OBI1: variants seen among roughly 807,000 people sequenced by gnomAD.
OBI1 encodes the protein ORC ubiquitin ligase 1.
OBI1 carries 59 observed loss-of-function variants against 62.4 expected under a neutral mutation model. The observed-to-expected ratio is 0.95, with a 90% CI of 0.77 to 1.17. OBI1 has a LOEUF of 1.17. Among genes scored for constraint, OBI1 ranks in the 50% most tolerant of loss-of-function variants. The probability of loss-of-function intolerance (pLI) is 0.00; values close to 1 mark genes in which losing one functional copy is unlikely to be tolerated. For missense variants in OBI1, 875 were observed against 830.9 expected (o/e 1.05, Z -0.65); for synonymous variants, 302 against 292.8 (o/e 1.03, Z -0.32).
intron 5 of OBI1, among the ~76,000 whole-genome samples, chr13:78,623,205 T>C (rs1875563275): frequency 6.6e-6 from 1 of 150,636 alleles, no homozygotes. Flanking sequence ...CTATCTATGG[T>C]CAATCCTAGT....
intron 1 of OBI1, among the ~76,000 whole-genome samples, chr13:78,646,815 AAG>A (rs1566285736): frequency 1.3e-5 from 2 of 152,208 alleles, no homozygotes; most frequent in African/African-American, 2.4e-5. Context: ...AGGGAAAAGA[AAG>A]AGAGATCAGA....
chr13:78,629,076 C>T (rs1875767543), intron 5 of OBI1, among the ~76,000 whole-genome samples: 1 of 152,130 alleles, frequency 6.6e-6, no homozygotes. Flanking sequence ...ATTCCTTCCT[C>T]TTCAGAACAC....
At chr13:78,626,903 A>T (rs202206072) in intron 5 of OBI1, among the ~76,000 whole-genome samples, 3 of 152,132 alleles carry the variant, frequency 2.0e-5, no homozygotes, top group African/African-American at 7.2e-5. Context: ...CATCTCTACT[A>T]AAAATACAAA....
At position 78,642,222 on chromosome 13, in the gene OBI1, A is replaced by C. The variant is rs753195106; in HGVS notation, c.209-9T>G. On this transcript the variant is annotated splice_polypyrimidine_tract_variant and intron_variant, in intron 2 of 5. Transcript: ENST00000282003. ...ACTTTCACTTGTTCCTCCTGTAGGG[A>C]AAAAAAAAAAAATCCTAATTTTTCA... The C allele has an allele frequency of 3.1e-5, 13 of 417,186 alleles. No individual in the cohort carries two copies. In the East Asian group the frequency reaches 6.4e-4, roughly 21 times the overall value. The allele number at this position is 417,186 out of a possible 1,614,324, so 25.8% of individuals were successfully genotyped here.
intron 4 of OBI1, 88 bp from the exon 5 acceptor site, chr13:78,635,286 G>A (rs1409172298): frequency 3.9e-6 from 3 of 763,544 alleles, no homozygotes; most frequent in Non-Finnish European, 6.7e-6. Flanking sequence ...GTATTTTTTA[G>A]AGTGATAATA....
At position 78,638,839 on chromosome 13, in the gene OBI1, ACAT is replaced by A; in HGVS notation, c.530_532del (p.Asp177del). On this transcript the variant is annotated inframe_deletion, in exon 4 of 6. Coordinates refer to ENST00000282003, the MANE Select transcript of OBI1 (RefSeq NM_024546.4). ...ACAACTTACCTCCTTTAGCTTATCC[ACAT>A]CATCTTTCACTTTTTCATAGATTTC... 2 of 1,613,008 alleles carry A rather than the reference ACAT, an allele frequency of 1.2e-6. No homozygotes were observed. The highest frequency in any genetic ancestry group is 1.7e-6 in the Non-Finnish European group (2 of 1,179,732).
At chr13:78,633,815 C>G (rs1379585236) in intron 5 of OBI1, among the ~76,000 whole-genome samples, 4 of 152,100 alleles carry the variant, frequency 2.6e-5, no homozygotes, top group African/African-American at 9.7e-5. Flanking sequence ...CGCCTGTAAT[C>G]CCAGCACTTT....
chr13:78,655,493 C>T (rs973838712), intron 1 of OBI1, among the ~76,000 whole-genome samples: 4 of 152,108 alleles, frequency 2.6e-5, no homozygotes, highest in Non-Finnish European at 5.9e-5. Flanking sequence ...GAAAATTCAC[C>T]TTTAAAACTG....
chr13:78,634,969 A>G (rs1220987074), intron 5 of OBI1, 141 bp downstream of exon 5: 1 of 524,672 alleles, frequency 1.9e-6, no homozygotes, highest in Non-Finnish European at 3.4e-6. Flanking sequence ...CACGAAGTAT[A>G]AACTTGACTT....
intron 5 of OBI1, among the ~76,000 whole-genome samples, chr13:78,619,003 G>C (rs1300580329): frequency 6.6e-6 from 1 of 152,122 alleles, no homozygotes; most frequent in African/African-American, 2.4e-5. Flanking sequence ...AAAAACTGTA[G>C]TATGTTTATT....
Position 78,642,106 on chromosome 13 carries a change from T to C in OBI1, c.300+16A>G. ...ATTCACTGCTAACATAATTTTAAAC[T>C]TTGATTACTGTTTACCTCATATTCT... On this transcript the variant is annotated intron_variant, in intron 3 of 5. Coordinates refer to ENST00000282003, the MANE Select transcript of OBI1 (RefSeq NM_024546.4). 8 of 1,488,338 alleles carry C rather than the reference T, an allele frequency of 5.4e-6. No individual in the cohort carries two copies. Among genetic ancestry groups the C allele is most frequent in the Non-Finnish European group, 7.5e-6 (8 of 1,068,192 alleles). 92.2% of individuals were successfully genotyped at this position (1,488,338 alleles called of 1,614,324 possible).
intron 1 of OBI1, among the ~76,000 whole-genome samples, chr13:78,645,303 A>G (rs1224105194): frequency 6.6e-6 from 1 of 152,200 alleles, no homozygotes; most frequent in Non-Finnish European, 1.5e-5. Flanking sequence ...TAAGGCTGGG[A>G]CAATTTTGCT....
chr13:78,642,403 CACCATAAGAAAT>C (rs2137457920), intron 2 of OBI1, among the ~76,000 whole-genome samples, 190 bp from the exon 3 acceptor site: 1 of 152,130 alleles, frequency 6.6e-6, no homozygotes, highest in African/African-American at 2.4e-5. Flanking sequence ...TATCAAATAA[CACCATAAGAAAT>C]ACCTTCAGTA....
chr13:78,649,999 T>G (rs1008743158), intron 1 of OBI1, among the ~76,000 whole-genome samples: 2 of 152,204 alleles, frequency 1.3e-5, no homozygotes, highest in African/African-American at 4.8e-5. Context: ...TTTTGAAAAG[T>G]GAGAAAGCTA....
chr13:78,654,855 T>G (rs1224002696), intron 1 of OBI1, among the ~76,000 whole-genome samples: 3 of 152,174 alleles, frequency 2.0e-5, no homozygotes, highest in African/African-American at 4.8e-5. Context: ...AATATTTTAA[T>G]TAAAGATTCC....
At chr13:78,640,808 A>G (rs1593796209) in intron 3 of OBI1, among the ~76,000 whole-genome samples, 11 of 152,190 alleles carry the variant, frequency 7.2e-5, no homozygotes. Flanking sequence ...CTCAAAAAAG[A>G]AAAAGAGGAT....
chr13:78,617,180 T>G, intron 5 of OBI1, 58 bp from the exon 6 acceptor site: 1 of 1,375,084 alleles, frequency 7.3e-7, no homozygotes, highest in Non-Finnish European at 9.9e-7. Flanking sequence ...TTTTCAAGGT[T>G]TGAGAGTGCA....
chr13:78,619,350 T>C (rs1566275405), intron 5 of OBI1, among the ~76,000 whole-genome samples: 1 of 151,702 alleles, frequency 6.6e-6, no homozygotes, highest in Non-Finnish European at 1.5e-5. Context: ...TTAGAAATTA[T>C]GTTTTTAAAA....
chr13:78,640,039 A>C (rs555502555), intron 3 of OBI1, among the ~76,000 whole-genome samples: 40 of 152,340 alleles, frequency 2.6e-4, no homozygotes, highest in Admixed American at 1.4e-3. Flanking sequence ...AACAAACAAA[A>C]AAAAGATATC....
Sources: allele counts gnomAD v4.1 joint callset (sites outside exome capture counted in the v4.1 genomes callset), GRCh38; gene constraint gnomAD v4.1.1; transcripts MANE v1.5; gene names NCBI Gene and HGNC (gene_info 2026-07-23, HGNC 2026-07-21).